The following KCNIP2 variants were observed in gnomAD, a reference collection of about 807,000 sequenced individuals.
The protein encoded by KCNIP2 is potassium voltage-gated channel interacting protein 2, also known as A-type potassium channel modulatory protein KCNIP2.
In KCNIP2, 19 loss-of-function variants were observed where a neutral mutation model predicts 39.0. The observed-to-expected ratio is 0.49, with a 90% confidence interval of 0.34 to 0.71. The LOEUF (loss-of-function observed/expected upper bound fraction) is 0.71. KCNIP2 is among the 30% of genes least tolerant of loss of function. KCNIP2 has a pLI of 0.01. For missense variants in KCNIP2, 261 were observed against 346.0 expected, an observed-to-expected ratio of 0.75 and a Z score of 1.95; for synonymous variants, 111 against 131.2, an observed-to-expected ratio of 0.85 and a Z score of 1.05.
At position 101,827,084 on chromosome 10, in the gene KCNIP2, A is replaced by T; in HGVS notation, c.*269T>A. The T allele has an allele frequency of 1.6e-6, 1 of 615,112 alleles. No homozygotes were observed. The highest frequency in any genetic ancestry group is 2.3e-6 in the Non-Finnish European group (1 of 426,496). 38.1% of individuals were successfully genotyped at this position (615,112 alleles called of 1,614,324 possible). A position where few individuals can be genotyped will look rare whatever the true frequency, so the allele number is the denominator to read the frequency against. On this transcript the variant is annotated 3_prime_UTR_variant, in exon 10 of 10. Transcript: ENST00000356640. ...GGAGGTGGGGAACCGCTCAATTCCT[A>T]CAGGAGGGGCACTCTCAACACTGGG... is the stretch of plus-strand genomic sequence containing the variant.
At chr10:101,834,685 C>T (rs1396861305) in intron 1 of KCNIP2, among the ~76,000 whole-genome samples, 1 of 152,152 alleles carries the variant, frequency 6.6e-6, no homozygotes, top group African/African-American at 2.4e-5. Context: ...GAAGTGCTTC[C>T]CCTAGACATC....
In KCNIP2 at chr10:101,827,304, G is replaced by T; in HGVS notation, c.*49C>A. 1 of 1,559,898 alleles carries T rather than the reference G, an allele frequency of 6.4e-7. No homozygotes were observed. The highest frequency in any genetic ancestry group is 1.2e-5 in the South Asian group (1 of 84,048). ...AGAAGGGTGAGGTCCGCCTGGACTAGGGTTAGAGCATGGTCCCCCCAGGAA... is the reference window on the plus strand; with the variant it reads ...AGAAGGGTGAGGTCCGCCTGGACTATGGTTAGAGCATGGTCCCCCCAGGAA... On this transcript the variant is annotated 3_prime_UTR_variant, in exon 10 of 10. Coordinates refer to ENST00000356640, the MANE Select transcript of KCNIP2 (RefSeq NM_173191.3).
In KCNIP2 at chr10:101,828,858, G is replaced by C; in HGVS notation, c.349-162C>G. ...GATGGGAGGGAAGACTTCTTTCCCA[G>C]TGCACAAATAAAAAACATGGAACGA... On this transcript the variant is annotated intron_variant, in intron 4 of 9. Coordinates refer to ENST00000356640, the MANE Select transcript of KCNIP2 (RefSeq NM_173191.3). The surrounding 1 kb of genome is among the most constrained non-coding windows in gnomAD (Gnocchi z 6.6). 6.4e-7 allele frequency: 1 copy of C among 1,555,040 alleles called. No homozygotes were observed. The highest frequency in any genetic ancestry group is 8.7e-7 in the Non-Finnish European group (1 of 1,149,398).
chr10:101,829,324 T>G, intron 3 of KCNIP2, 125 bp from the exon 4 acceptor site: 2 of 1,241,318 alleles, frequency 1.6e-6, no homozygotes, highest in Non-Finnish European at 2.2e-6. Context: ...AGGCTGCCAG[T>G]TCCCTGGGCC....
chr10:101,843,392 TG>T lies in KCNIP2; in HGVS notation c.73+103del. 1 of 660,308 alleles carries T rather than the reference TG, an allele frequency of 1.5e-6. No individual in the cohort carries two copies. 40.9% of individuals were successfully genotyped at this position (660,308 alleles called of 1,614,324 possible). A position where few individuals can be genotyped will look rare whatever the true frequency, so the allele number is the denominator to read the frequency against. On this transcript the variant is annotated intron_variant, in intron 1 of 9. Coordinates refer to ENST00000356640, the MANE Select transcript of KCNIP2 (RefSeq NM_173191.3). The surrounding 1 kb of genome is among the most constrained non-coding windows in gnomAD (Gnocchi z 6.7). ...GACCGGCCATAAGAGTGCCTGGGAA[TG>T]GGGCAGAGTGTGGGTGCGGGCCAGG...
At chr10:101,830,513 G>A (rs2065935361) in intron 2 of KCNIP2, 1 of 1,185,758 alleles carries the variant, frequency 8.4e-7, no homozygotes, top group Non-Finnish European at 1.1e-6. Flanking sequence ...TGGTCACAAT[G>A]GTCACACCCA....
chr10:101,827,509 G>T, intron 9 of KCNIP2, 109 bp from the exon 10 acceptor site: 5 of 1,360,674 alleles, frequency 3.7e-6, no homozygotes, highest in Non-Finnish European at 5.2e-6. Context: ...CAAAAGCACA[G>T]AGGAAGGAGA....
At chr10:101,830,561 C>G in intron 2 of KCNIP2, 3 of 809,962 alleles carry the variant, frequency 3.7e-6, no homozygotes, top group Non-Finnish European at 5.1e-6. Context: ...AGCGGTGACA[C>G]ACACCCGCTC....
At position 101,830,057 on chromosome 10, in the gene KCNIP2, T is replaced by C; in HGVS notation, c.170-160A>G. Reference sequence around the variant, plus strand: ...GAAACGGACCCCATGCACACAAGCTTGCGGGACTCACGCCTGTCCTTTTCC... The same window carrying C: ...GAAACGGACCCCATGCACACAAGCTCGCGGGACTCACGCCTGTCCTTTTCC... On this transcript the variant is annotated intron_variant, in intron 2 of 9. Coordinates refer to ENST00000356640, the MANE Select transcript of KCNIP2 (RefSeq NM_173191.3). The C allele has an allele frequency of 7.3e-6, 6 of 819,084 alleles. No homozygotes were observed. In the South Asian group the frequency reaches 9.9e-5, roughly 13 times the overall value. The allele number at this position is 819,084 out of a possible 1,614,324, so 50.7% of individuals were successfully genotyped here.
rs923160969 is a variant in KCNIP2, at chr10:101,843,769, G to A, written c.-201C>T. The A allele has an allele frequency of 2.6e-6, 1 of 379,264 alleles. No individual in the cohort carries two copies. The highest frequency in any genetic ancestry group is 4.6e-5 in the Admixed American group (1 of 21,846). The allele number at this position is 379,264 out of a possible 1,614,324, so 23.5% of individuals were successfully genotyped here. ...GCAGGAGAGGGAACACTAGGCAGCA[G>A]GTGAGCGCAGAGCCGGAGGCAGAGC... On this transcript the variant is annotated 5_prime_UTR_variant, in exon 1 of 10. Transcript: ENST00000356640. The surrounding 1 kb of genome is among the most constrained non-coding windows in gnomAD (Gnocchi z 6.7).
Position 101,827,979 on chromosome 10 carries a change from G to T in KCNIP2, c.612C>A (p.Ile204=). 2 of 1,613,666 alleles carry T rather than the reference G, an allele frequency of 1.2e-6. No homozygotes were observed. The highest frequency in any genetic ancestry group is 1.7e-6 in the Non-Finnish European group (2 of 1,179,584). ...CCATCATGTCATAGATGGACTTCATGATGTCAAGCATTTCCTGTTAGGCCA... is the reference window on the plus strand; with the variant it reads ...CCATCATGTCATAGATGGACTTCATTATGTCAAGCATTTCCTGTTAGGCCA... ...GCITKEEMLD[I]MKSIYDMMGK... The change falls in exon 8 of 10, where the codon ATC becomes ATA. Residue 204 remains isoleucine, a synonymous_variant. Coordinates refer to ENST00000356640, the MANE Select transcript of KCNIP2 (RefSeq NM_173191.3).
chr10:101,831,029 A>G (rs887182309), intron 2 of KCNIP2, 43 bp downstream of exon 2: 2 of 1,522,288 alleles, frequency 1.3e-6, no homozygotes, highest in Admixed American at 1.7e-5. Context: ...ACACGCACGC[A>G]CACATCGAGC....
At position 101,829,141 on chromosome 10, in the gene KCNIP2, C is replaced by T. The variant is rs1177480790; in HGVS notation, c.282G>A (p.Glu94=). 1 of 1,614,094 alleles carries T rather than the reference C, an allele frequency of 6.2e-7. No homozygotes were observed. The highest frequency in any genetic ancestry group is 1.7e-5 in the Admixed American group (1 of 60,004). The part of the protein sequence containing the change: ...STVCHRPEGL[E]QLQEQTKFTR... ...TGAATTTGGTTTGCTCCTGCAGCTG[C>T]TCCAGACCCTCAGGCCGGTGACACA... Residue 94 remains glutamate, a synonymous_variant, in exon 4 of 10, where the codon GAG becomes GAA. Transcript: ENST00000356640.
At chr10:101,832,135 A>C (rs138710712) in intron 1 of KCNIP2, among the ~76,000 whole-genome samples, 3 of 152,320 alleles carry the variant, frequency 2.0e-5, no homozygotes, top group Non-Finnish European at 2.9e-5. Context: ...GGGTGAAATA[A>C]TAGTAAACTT....
intron 2 of KCNIP2, chr10:101,830,426 A>T: frequency 7.7e-7 from 1 of 1,294,746 alleles, no homozygotes; most frequent in South Asian, 1.3e-5. Context: ...ACACTAACCC[A>T]GCTAAGCCAC....
chr10:101,831,667 C>T (rs968831138), intron 1 of KCNIP2, among the ~76,000 whole-genome samples: 7 of 152,076 alleles, frequency 4.6e-5, no homozygotes, highest in African/African-American at 1.4e-4. Context: ...CACACAATGA[C>T]CTGCTAACTC....
intron 1 of KCNIP2, among the ~76,000 whole-genome samples, chr10:101,840,064 G>GC (rs1564674425): frequency 6.6e-6 from 1 of 151,706 alleles, no homozygotes; most frequent in African/African-American, 2.4e-5. Flanking sequence ...GGACGGGGGG[G>GC]GGGGGTGGCG....
chr10:101,839,988 C>G (rs1279654921), intron 1 of KCNIP2: 1 of 608,990 alleles, frequency 1.6e-6, no homozygotes, highest in Non-Finnish European at 2.6e-6. Context: ...TTCCCATGTT[C>G]TCCTGGCCGC....
At chr10:101,830,120 C>T (rs1280843132) in intron 2 of KCNIP2, among the ~76,000 whole-genome samples, 2 of 152,168 alleles carry the variant, frequency 1.3e-5, no homozygotes, top group Non-Finnish European at 2.9e-5. Flanking sequence ...AAGTCCAACA[C>T]AACAGCATGC....
Sources: gnomAD v4.1 joint callset for allele counts (sites outside exome capture counted in the v4.1 genomes callset) on GRCh38, gnomAD v4.1.1 for gene constraint, Gnocchi (gnomAD v3.1) non-coding constraint, MANE v1.5 for transcripts, NCBI Gene and HGNC (gene_info 2026-07-23, HGNC 2026-07-21) for gene names.